The following GRK5 variants were observed in gnomAD, a reference collection of about 807,000 sequenced individuals.
GRK5 encodes g protein-coupled receptor kinase GRK5.
In GRK5, 40 loss-of-function variants were observed where a neutral mutation model predicts 78.4. The observed-to-expected ratio is 0.51, with a 90% CI of 0.40 to 0.66. The LOEUF is 0.66. Ranked by LOEUF, GRK5 falls within the 30% of genes least tolerant of loss-of-function variation. The pLI is 0.00. For missense variants in GRK5, 598 were observed against 759.9 expected (o/e 0.79, Z 2.50); for synonymous variants, 289 against 296.8 (o/e 0.97, Z 0.27).
chr10:119,315,917 A>T (rs568342655), intron 1 of GRK5, among the ~76,000 whole-genome samples: 1 of 152,276 alleles, frequency 6.6e-6, no homozygotes, highest in South Asian at 2.1e-4. Flanking sequence ...CCGCTTCATG[A>T]CATAGTTTGG....
In GRK5 at chr10:119,431,744, G is replaced by A. The variant is rs900965297; in HGVS notation, c.738+217G>A. On this transcript the variant is annotated intron_variant, in intron 8 of 15. Transcript: ENST00000392870. The surrounding 1 kb of genome is among the most constrained non-coding windows in gnomAD (Gnocchi z 4.8). ...CTGGCTTTGTCCCATCCCCAGAGCC[G>A]GCCAGTGCCTGGCTCCCTGCTGTGC... 1.3e-5 allele frequency among the ~76,000 whole-genome samples: 2 copies of A among 152,176 alleles called. No homozygotes were observed. Among genetic ancestry groups the A allele is most frequent in the African/African-American group, 4.8e-5 (2 of 41,442 alleles).
intron 1 of GRK5, among the ~76,000 whole-genome samples, chr10:119,316,855 C>T (rs570582523): frequency 1.3e-5 from 2 of 152,206 alleles, no homozygotes; most frequent in Admixed American, 1.3e-4. Context: ...CAGTGTCTGG[C>T]CCCCCGTCCC....
intron 2 of GRK5, among the ~76,000 whole-genome samples, chr10:119,345,113 C>T (rs188257775): frequency 7.2e-5 from 11 of 152,198 alleles, no homozygotes; most frequent in Non-Finnish European, 1.2e-4. Context: ...AGACTACAGG[C>T]GCCCACAACC....
At chr10:119,283,543 C>T (rs1019633019) in intron 1 of GRK5, among the ~76,000 whole-genome samples, 3 of 152,208 alleles carry the variant, frequency 2.0e-5, no homozygotes, top group African/African-American at 7.2e-5. Context: ...TGCCCGTGCC[C>T]GGGCTCTGTA....
chr10:119,398,386 G>C (rs1352819171), intron 4 of GRK5, among the ~76,000 whole-genome samples: 1 of 133,052 alleles, frequency 7.5e-6, no homozygotes, highest in Non-Finnish European at 1.6e-5. Flanking sequence ...CCTCCGAGAT[G>C]TCTCTGATGA....
chr10:119,324,519 T>A (rs1405120656), intron 1 of GRK5, among the ~76,000 whole-genome samples: 1 of 152,108 alleles, frequency 6.6e-6, no homozygotes, highest in Non-Finnish European at 1.5e-5. Flanking sequence ...TCCCAGCTAC[T>A]CGGGAGGCTG....
chr10:119,453,422 T>G, intron 15 of GRK5, 146 bp downstream of exon 15: 1 of 910,598 alleles, frequency 1.1e-6, no homozygotes, highest in Non-Finnish European at 1.6e-6. Context: ...ACTGATTATG[T>G]CCAAGGCCCC....
intron 1 of GRK5, among the ~76,000 whole-genome samples, chr10:119,248,881 T>G (rs552516062): frequency 4.6e-5 from 7 of 152,176 alleles, no homozygotes; most frequent in Non-Finnish European, 8.8e-5. Context: ...CCACCTAGAA[T>G]ATTTACCATC....
intron 12 of GRK5, among the ~76,000 whole-genome samples, chr10:119,447,531 C>T (rs1041925779): frequency 2.6e-5 from 4 of 152,192 alleles, no homozygotes; most frequent in Admixed American, 1.3e-4. Flanking sequence ...GCCTATTTGT[C>T]CTGCAAGACT....
intron 1 of GRK5, among the ~76,000 whole-genome samples, chr10:119,282,469 C>T (rs1004397360): frequency 6.6e-6 from 1 of 152,202 alleles, no homozygotes; most frequent in Non-Finnish European, 1.5e-5. Flanking sequence ...TTTTCCTTGT[C>T]TGTCTCCCTC....
At chr10:119,451,029 C>T (rs1474741625) in intron 13 of GRK5, among the ~76,000 whole-genome samples, 3 of 54,594 alleles carry the variant, frequency 5.5e-5, no homozygotes, top group Non-Finnish European at 9.8e-5. Context: ...CCCTGCCAGC[C>T]CCCCCAGTCG....
chr10:119,453,349 A>G, intron 15 of GRK5, 73 bp downstream of exon 15: 5 of 1,563,402 alleles, frequency 3.2e-6, no homozygotes, highest in Non-Finnish European at 3.5e-6. Context: ...GGAAACGAGA[A>G]GACCCACAGT....
intron 2 of GRK5, among the ~76,000 whole-genome samples, chr10:119,327,675 G>A (rs528624278): frequency 3.9e-5 from 6 of 152,212 alleles, no homozygotes; most frequent in African/African-American, 1.2e-4. Context: ...TTCCAGGGCC[G>A]GGGGGACTTA....
chr10:119,401,625 T>C (rs1852152327), intron 4 of GRK5, among the ~76,000 whole-genome samples: 2 of 152,186 alleles, frequency 1.3e-5, no homozygotes, highest in South Asian at 4.1e-4. Context: ...GGATCATAAA[T>C]AAAAGCAGCA....
At chr10:119,402,362 TG>T (rs1211085680) in intron 4 of GRK5, among the ~76,000 whole-genome samples, 1 of 152,140 alleles carries the variant, frequency 6.6e-6, no homozygotes, top group African/African-American at 2.4e-5. Flanking sequence ...GAGTGTGTGC[TG>T]GGCTCTGAAG....
intron 9 of GRK5, among the ~76,000 whole-genome samples, chr10:119,437,838 CT>C (rs1158929256): frequency 6.6e-6 from 1 of 152,220 alleles, no homozygotes; most frequent in Non-Finnish European, 1.5e-5. Context: ...TGGTTCACAC[CT>C]GTAATCCCAG....
chr10:119,348,135 G>A (rs1165909618), intron 2 of GRK5, among the ~76,000 whole-genome samples: 2 of 152,240 alleles, frequency 1.3e-5, no homozygotes, highest in Admixed American at 6.5e-5. Context: ...TTGGCTTAAT[G>A]AGGAGTCCAG....
intron 13 of GRK5, among the ~76,000 whole-genome samples, chr10:119,451,507 A>G (rs867688427): frequency 6.6e-6 from 1 of 152,082 alleles, no homozygotes; most frequent in Admixed American, 6.5e-5. Context: ...TGGAACATGG[A>G]CCCTGCGTTT....
At chr10:119,242,598 CA>C (rs1397192887) in intron 1 of GRK5, among the ~76,000 whole-genome samples, 4 of 150,634 alleles carry the variant, frequency 2.7e-5, no homozygotes, top group Admixed American at 1.3e-4. Flanking sequence ...ACCCAAATCT[CA>C]TCTTGAATTG....
Sources: allele counts gnomAD v4.1 joint callset (sites outside exome capture counted in the v4.1 genomes callset), GRCh38; gene constraint gnomAD v4.1.1; non-coding constraint Gnocchi (gnomAD v3.1); transcripts MANE v1.5; gene names NCBI Gene and HGNC (gene_info 2026-07-23, HGNC 2026-07-21).